MCTP2: variants seen among roughly 807,000 people sequenced by gnomAD.
The protein encoded by MCTP2 is multiple C2 and transmembrane domain containing 2, also known as multiple C2 and transmembrane domain-containing protein 2.
In MCTP2, 132 loss-of-function variants were observed where a neutral mutation model predicts 111.6. The ratio of observed to expected loss-of-function variants is 1.18; its 90% CI spans 1.03 to 1.37. The LOEUF (loss-of-function observed/expected upper bound fraction) is 1.37, where lower values mean the gene tolerates loss of function less well. Among genes scored for constraint, MCTP2 ranks in the 40% most tolerant of loss-of-function variants. The probability of loss-of-function intolerance (pLI) is 0.00; values close to 1 mark genes in which losing one functional copy is unlikely to be tolerated. For synonymous variants in MCTP2, 395 were observed against 387.7 expected (o/e 1.02, Z -0.22); for missense variants, 1,183 against 1,067.9 (o/e 1.11, Z -1.50).
chr15:94,263,255 T>A (rs188442648), intron 1 of MCTP2, among the ~76,000 whole-genome samples: 1 of 152,230 alleles, frequency 6.6e-6, no homozygotes, highest in East Asian at 1.9e-4. Flanking sequence ...TTGTGTCTTC[T>A]GAGAGATACA....
At chr15:94,307,504 G>A (rs1250131846) in intron 2 of MCTP2, among the ~76,000 whole-genome samples, 1 of 152,194 alleles carries the variant, frequency 6.6e-6, no homozygotes, top group Non-Finnish European at 1.5e-5. Context: ...CAGTGAGGCG[G>A]CAATGGGAGG....
intron 12 of MCTP2, among the ~76,000 whole-genome samples, chr15:94,379,204 C>T (rs552381557): frequency 2.6e-4 from 39 of 151,722 alleles, no homozygotes; most frequent in Middle Eastern, 6.8e-3. Context: ...GATAGGGCAG[C>T]CTAGTGAAGT....
intron 1 of MCTP2, among the ~76,000 whole-genome samples, chr15:94,253,731 C>CT (rs954988188): frequency 2.9e-4 from 43 of 146,054 alleles, no homozygotes; most frequent in African/African-American, 1.1e-3. Context: ...CTTAAAGTCT[C>CT]TCTTTTTTTT....
intron 1 of MCTP2, among the ~76,000 whole-genome samples, chr15:94,236,366 T>G (rs887265977): frequency 3.4e-4 from 48 of 140,226 alleles, no homozygotes; most frequent in Non-Finnish European, 6.5e-4. Context: ...ATTCAATCCT[T>G]TCTTTTTTTT....
intron 19 of MCTP2, among the ~76,000 whole-genome samples, chr15:94,456,520 G>C (rs2084846086): frequency 6.6e-6 from 1 of 152,196 alleles, no homozygotes; most frequent in African/African-American, 2.4e-5. Flanking sequence ...GTGGCAGACA[G>C]AGCTGGGTTT....
chr15:94,302,964 C>CA (rs1287641797), intron 2 of MCTP2, among the ~76,000 whole-genome samples: 2 of 151,308 alleles, frequency 1.3e-5, no homozygotes, highest in Admixed American at 6.6e-5. Context: ...CAAGGAGGAG[C>CA]AAGTCATGTC....
chr15:94,336,424 G>A (rs2077363327), intron 4 of MCTP2, among the ~76,000 whole-genome samples: 1 of 152,180 alleles, frequency 6.6e-6, no homozygotes, highest in Non-Finnish European at 1.5e-5. Context: ...CCCCTTAGGT[G>A]AAGAAGAGCA....
intron 1 of MCTP2, among the ~76,000 whole-genome samples, chr15:94,237,475 C>G (rs2070653534): frequency 1.3e-5 from 2 of 150,502 alleles, no homozygotes; most frequent in African/African-American, 4.9e-5. Context: ...AAATTCTTAT[C>G]TAAGGGGTCT....
intron 17 of MCTP2, among the ~76,000 whole-genome samples, chr15:94,411,353 GTC>G (rs144035941): frequency 2.6e-3 from 383 of 145,856 alleles, no homozygotes; most frequent in African/African-American, 9.1e-3. Flanking sequence ...ATTTTTATTA[GTC>G]TCTCTGGCTG....
At chr15:94,262,309 A>G (rs2073232927) in intron 1 of MCTP2, among the ~76,000 whole-genome samples, 1 of 152,144 alleles carries the variant, frequency 6.6e-6, no homozygotes, top group African/African-American at 2.4e-5. Context: ...TTGTAGTTTT[A>G]ATTTCTGATG....
chr15:94,365,580 A>T (rs1275766473), intron 10 of MCTP2, among the ~76,000 whole-genome samples: 1 of 152,206 alleles, frequency 6.6e-6, no homozygotes, highest in Non-Finnish European at 1.5e-5. Flanking sequence ...TTTCACAGTT[A>T]TTCCAATTAT....
At chr15:94,440,370 AAATCAT>A in intron 18 of MCTP2, 72 bp downstream of exon 18, 1 of 1,583,224 alleles carries the variant, frequency 6.3e-7, no homozygotes, top group Admixed American at 1.7e-5. Flanking sequence ...CACCACCACC[AAATCAT>A]GGCCCAAGTC....
At chr15:94,445,072 A>C (rs2084040743) in intron 19 of MCTP2, among the ~76,000 whole-genome samples, 1 of 152,186 alleles carries the variant, frequency 6.6e-6, no homozygotes. Flanking sequence ...GTCTGGAGAG[A>C]CAGCCCTTTG....
intron 4 of MCTP2, among the ~76,000 whole-genome samples, chr15:94,320,490 T>C (rs1395559168): frequency 6.6e-6 from 1 of 152,204 alleles, no homozygotes; most frequent in East Asian, 1.9e-4. Flanking sequence ...TGATGGTTTA[T>C]ACACAGAATA....
chr15:94,410,117 C>T (rs1415058828), intron 17 of MCTP2, among the ~76,000 whole-genome samples: 1 of 152,090 alleles, frequency 6.6e-6, no homozygotes, highest in Non-Finnish European at 1.5e-5. Context: ...GAATGGGTTA[C>T]AAGTATGGGT....
chr15:94,292,023 A>G (rs1408900697), intron 1 of MCTP2, among the ~76,000 whole-genome samples: 1 of 152,224 alleles, frequency 6.6e-6, no homozygotes, highest in East Asian at 1.9e-4. Context: ...TGATTTAGCC[A>G]CCACCTTAAG....
At chr15:94,392,887 T>A (rs11858178) in intron 14 of MCTP2, among the ~76,000 whole-genome samples, 33,574 of 151,792 alleles carry the variant, frequency 0.22, 4,266 homozygotes, top group African/African-American at 0.34. Flanking sequence ...TCCCTCTATT[T>A]TCTCATCTTT....
chr15:94,428,393 A>G (rs2082994400), intron 17 of MCTP2, among the ~76,000 whole-genome samples: 1 of 151,926 alleles, frequency 6.6e-6, no homozygotes, highest in African/African-American at 2.4e-5. Flanking sequence ...TAGTTGAACT[A>G]TTTTTTCTCT....
chr15:94,267,461 C>T (rs1398915993), intron 1 of MCTP2, among the ~76,000 whole-genome samples: 1 of 152,020 alleles, frequency 6.6e-6, no homozygotes. Context: ...AATCCATTCA[C>T]GAGTTAATGG....
Sources: gnomAD v4.1 joint callset for allele counts (sites outside exome capture counted in the v4.1 genomes callset) on GRCh38, gnomAD v4.1.1 for gene constraint, MANE v1.5 for transcripts, NCBI Gene and HGNC (gene_info 2026-07-23, HGNC 2026-07-21) for gene names.